The following GSTCD variants were observed in gnomAD, a reference collection of about 807,000 sequenced individuals.
The protein encoded by GSTCD is glutathione S-transferase C-terminal domain containing, also known as glutathione S-transferase C-terminal domain-containing protein.
Under a neutral mutation model 68.3 loss-of-function variants are expected in GSTCD, and 44 were observed. The ratio of observed to expected loss-of-function variants is 0.64; its 90% CI spans 0.51 to 0.83. The LOEUF (loss-of-function observed/expected upper bound fraction) is 0.83. Among genes scored for constraint, GSTCD ranks in the 40% least tolerant of loss-of-function variants. The pLI, the probability that GSTCD is intolerant of heterozygous loss-of-function variation, is 0.00. For synonymous variants in GSTCD, 273 were observed against 255.2 expected (o/e 1.07, Z -0.67); for missense variants, 739 against 735.9 (o/e 1.00, Z -0.05).
At chr4:105,767,909 G>T (rs1018796492) in intron 5 of GSTCD, among the ~76,000 whole-genome samples, 20 of 143,646 alleles carry the variant, frequency 1.4e-4, no homozygotes, top group Non-Finnish European at 2.4e-4. Flanking sequence ...ATTTCTCGAA[G>T]TGTCATCTTG....
At chr4:105,796,479 A>T (rs147489591) in intron 5 of GSTCD, among the ~76,000 whole-genome samples, 1 of 152,098 alleles carries the variant, frequency 6.6e-6, no homozygotes. Flanking sequence ...GCTGATTTTT[A>T]TGTTTTTATT....
intron 5 of GSTCD, among the ~76,000 whole-genome samples, chr4:105,784,929 T>C (rs899771339): frequency 2.0e-5 from 3 of 152,158 alleles, no homozygotes; most frequent in Non-Finnish European, 4.4e-5. Flanking sequence ...GATTATATTG[T>C]CCTTTGTCTG....
At chr4:105,712,700 T>C (rs1732572855) in intron 1 of GSTCD, 1 of 151,916 alleles carries the variant, frequency 6.6e-6, no homozygotes, top group African/African-American at 2.4e-5. Context: ...TGCTGAGGAG[T>C]TGGATTTAGC....
intron 5 of GSTCD, among the ~76,000 whole-genome samples, chr4:105,776,358 G>T (rs571259521): frequency 3.3e-5 from 5 of 152,056 alleles, no homozygotes; most frequent in Non-Finnish European, 7.4e-5. Flanking sequence ...GTTTTGTCTC[G>T]CTGGCATTCC....
intron 5 of GSTCD, among the ~76,000 whole-genome samples, chr4:105,806,694 T>G (rs1054370262): frequency 5.3e-5 from 8 of 152,116 alleles, no homozygotes; most frequent in African/African-American, 1.9e-4. Context: ...ATATCATCTC[T>G]TCCTCTCTTC....
intron 5 of GSTCD, among the ~76,000 whole-genome samples, chr4:105,777,885 TAAC>T: frequency 6.6e-6 from 1 of 152,124 alleles, no homozygotes; most frequent in Non-Finnish European, 1.5e-5. Flanking sequence ...AATTATATAT[TAAC>T]AATCCCTTCT....
intron 5 of GSTCD, among the ~76,000 whole-genome samples, chr4:105,741,537 G>A (rs1202431071): frequency 6.6e-6 from 1 of 152,150 alleles, no homozygotes; most frequent in Admixed American, 6.5e-5. Context: ...TGAAAACAGA[G>A]TTTTCTAAAT....
chr4:105,740,342 C>G (rs1733592915), intron 5 of GSTCD, among the ~76,000 whole-genome samples: 1 of 151,954 alleles, frequency 6.6e-6, no homozygotes, highest in Non-Finnish European at 1.5e-5. Flanking sequence ...TAGCCTTTCC[C>G]CACGGGGAGA....
At position 105,845,772 on chromosome 4, in the gene GSTCD, T is replaced by C. The variant is rs191003049; in HGVS notation, c.*195T>C. On this transcript the variant is annotated 3_prime_UTR_variant, in exon 12 of 12. Transcript: ENST00000515279. Reference sequence around the variant, plus strand: ...ATCACAAATGCTTTACAATGTGTGATTAAAGGACTGCTGGTTTTTATAGTG... The same window carrying C: ...ATCACAAATGCTTTACAATGTGTGACTAAAGGACTGCTGGTTTTTATAGTG... 1.4e-3 allele frequency: 775 copies of C among 565,506 alleles called. 1 individual carries two copies. The highest frequency in any genetic ancestry group is 4.1e-3 in the Admixed American group (136 of 33,300). The allele number at this position is 565,506 out of a possible 1,614,324, so 35.0% of individuals were successfully genotyped here.
intron 5 of GSTCD, among the ~76,000 whole-genome samples, chr4:105,793,047 G>A (rs1735734975): frequency 6.6e-6 from 1 of 151,910 alleles, no homozygotes; most frequent in African/African-American, 2.4e-5. Context: ...ATTAGAATTT[G>A]TAAAAATAGT....
At chr4:105,839,193 G>A (rs964852475) in intron 10 of GSTCD, among the ~76,000 whole-genome samples, 1 of 152,064 alleles carries the variant, frequency 6.6e-6, no homozygotes, top group Non-Finnish European at 1.5e-5. Context: ...CAACATTGCT[G>A]GCCTTCACCT....
At chr4:105,781,603 C>T (rs916784981) in intron 5 of GSTCD, among the ~76,000 whole-genome samples, 2 of 151,918 alleles carry the variant, frequency 1.3e-5, no homozygotes, top group Admixed American at 1.3e-4. Context: ...ACTCTATTAG[C>T]ATTCTTAAGA....
intron 5 of GSTCD, among the ~76,000 whole-genome samples, chr4:105,765,683 A>T (rs1255352880): frequency 6.6e-6 from 1 of 152,124 alleles, no homozygotes; most frequent in African/African-American, 2.4e-5. Context: ...TTGAATTGTA[A>T]TCCAAACTGT....
At chr4:105,747,481 C>A (rs541120590) in intron 5 of GSTCD, among the ~76,000 whole-genome samples, 1 of 152,282 alleles carries the variant, frequency 6.6e-6, no homozygotes, top group East Asian at 1.9e-4. Flanking sequence ...TGAAGTATTA[C>A]CCTAGGGAAC....
chr4:105,765,844 C>T (rs1411922628), intron 5 of GSTCD, among the ~76,000 whole-genome samples: 2 of 152,162 alleles, frequency 1.3e-5, no homozygotes, highest in African/African-American at 4.8e-5. Context: ...ACTTGTCTCT[C>T]CTGCCACCAT....
chr4:105,752,780 T>C (rs1734051538), intron 5 of GSTCD, among the ~76,000 whole-genome samples: 1 of 152,106 alleles, frequency 6.6e-6, no homozygotes, highest in Admixed American at 6.5e-5. Context: ...TACTTAAGTA[T>C]TAATAATACT....
chr4:105,790,775 G>C (rs1490916402), intron 5 of GSTCD, among the ~76,000 whole-genome samples: 2 of 152,064 alleles, frequency 1.3e-5, no homozygotes, highest in East Asian at 3.8e-4. Context: ...CACCCAATTT[G>C]TGATTTGAGG....
chr4:105,839,290 C>G (rs921539329), intron 10 of GSTCD, among the ~76,000 whole-genome samples: 1 of 152,132 alleles, frequency 6.6e-6, no homozygotes, highest in Non-Finnish European at 1.5e-5. Context: ...GCATAACATT[C>G]AAAACATCTC....
intron 5 of GSTCD, among the ~76,000 whole-genome samples, chr4:105,788,680 A>C (rs1735555066): frequency 6.6e-6 from 1 of 152,082 alleles, no homozygotes; most frequent in Non-Finnish European, 1.5e-5. Flanking sequence ...CTTTAGAATA[A>C]AGTTTTCAGA....
Sources: allele counts gnomAD v4.1 joint callset (sites outside exome capture counted in the v4.1 genomes callset), GRCh38; gene constraint gnomAD v4.1.1; transcripts MANE v1.5; gene names NCBI Gene and HGNC (gene_info 2026-07-23, HGNC 2026-07-21).